Variants in ITM2B observed in about 807,000 individuals in gnomAD.
The protein encoded by ITM2B is integral membrane protein 2B.
Under a neutral mutation model 27.8 loss-of-function variants are expected in ITM2B, and 11 were observed. The ratio of observed to expected loss-of-function variants is 0.40; its 90% confidence interval spans 0.25 to 0.66. The LOEUF (loss-of-function observed/expected upper bound fraction) is 0.66. ITM2B is among the 30% of genes least tolerant of loss of function. The pLI, the probability that ITM2B is intolerant of heterozygous loss-of-function variation, is 0.43. For synonymous variants in ITM2B, 114 were observed against 114.3 expected (o/e 1.00, Z 0.02); for missense variants, 296 against 328.9 (o/e 0.90, Z 0.77).
At chr13:48,244,347 G>A (rs1951714393) in intron 1 of ITM2B, among the ~76,000 whole-genome samples, 2 of 152,208 alleles carry the variant, frequency 1.3e-5, no homozygotes, top group Non-Finnish European at 2.9e-5. Context: ...GAGAGTGGTG[G>A]AGTAAGGGAG....
chr13:48,259,922 C>T (rs1951812048), intron 5 of ITM2B, among the ~76,000 whole-genome samples: 1 of 152,034 alleles, frequency 6.6e-6, no homozygotes, highest in Non-Finnish European at 1.5e-5. Context: ...CATAGGTATA[C>T]AGGTGCCATG....
At chr13:48,252,465 C>CA (rs1951760924) in intron 1 of ITM2B, among the ~76,000 whole-genome samples, 1 of 152,110 alleles carries the variant, frequency 6.6e-6, no homozygotes, top group Non-Finnish European at 1.5e-5. Context: ...GTGAACTGTG[C>CA]ATGTTAGGGA....
At chr13:48,242,826 A>G (rs1338772251) in intron 1 of ITM2B, among the ~76,000 whole-genome samples, 3 of 151,878 alleles carry the variant, frequency 2.0e-5, no homozygotes, top group African/African-American at 4.8e-5. Context: ...TCAGCTTTCA[A>G]CATTTTTATT....
At chr13:48,238,329 AT>A (rs1235728875) in intron 1 of ITM2B, among the ~76,000 whole-genome samples, 1 of 152,138 alleles carries the variant, frequency 6.6e-6, no homozygotes, top group Admixed American at 6.5e-5. Context: ...ATTTTAAATT[AT>A]TGTGCATTCT....
At position 48,265,808 on chromosome 13, in the gene ITM2B, A is replaced by C. The variant is rs1000971800; in HGVS notation, c.*4584A>C. 2.0e-5 allele frequency: 3 copies of C among 152,106 alleles called. No homozygotes were observed. The highest frequency in any genetic ancestry group is 7.2e-5 in the African/African-American group (3 of 41,412). The allele number at this position is 152,106 out of a possible 1,614,324, so 9.4% of individuals were successfully genotyped here. A position where few individuals can be genotyped will look rare whatever the true frequency, so the allele number is the denominator to read the frequency against. On this transcript the variant is annotated 3_prime_UTR_variant, in exon 6 of 6. Transcript: ENST00000647800. Reference sequence around the variant, plus strand: ...AATTTAGTTCAGGTGACCCTTCCTCAAGAGAAGATTTTCCTGAACCATTAG... The same window carrying C: ...AATTTAGTTCAGGTGACCCTTCCTCCAGAGAAGATTTTCCTGAACCATTAG...
chr13:48,250,347 C>T (rs890444483), intron 1 of ITM2B, among the ~76,000 whole-genome samples: 11 of 152,028 alleles, frequency 7.2e-5, no homozygotes, highest in East Asian at 3.9e-4. Flanking sequence ...TGGCCGGGTA[C>T]GGTGGCTCAA....
In ITM2B at chr13:48,270,296, G is replaced by GT. The variant is rs1383695164; in HGVS notation, c.*9073dup. 6.6e-6 allele frequency: 1 copy of GT among 152,108 alleles called. No individual in the cohort carries two copies. The highest frequency in any genetic ancestry group is 2.4e-5 in the African/African-American group (1 of 41,430). The allele number at this position is 152,108 out of a possible 1,614,324, so 9.4% of individuals were successfully genotyped here. A position where few individuals can be genotyped will look rare whatever the true frequency, so the allele number is the denominator to read the frequency against. On this transcript the variant is annotated 3_prime_UTR_variant, in exon 6 of 6. Transcript: ENST00000647800. Reference sequence around the variant, plus strand: ...TATAGTACTTATCACCATCTGACATGTATTTATGTTTGTATTTGTTTATTG... The same window carrying GT: ...TATAGTACTTATCACCATCTGACATGTTATTTATGTTTGTATTTGTTTATTG...
At chr13:48,253,982 G>C in intron 2 of ITM2B, 46 bp downstream of exon 2, 1 of 1,090,056 alleles carries the variant, frequency 9.2e-7, no homozygotes, top group Non-Finnish European at 1.3e-6. Context: ...TTTTTTTTTT[G>C]CCTCTCCCGA....
intron 1 of ITM2B, among the ~76,000 whole-genome samples, chr13:48,243,651 A>G (rs1264129969): frequency 2.0e-5 from 3 of 152,098 alleles, no homozygotes; most frequent in East Asian, 1.9e-4. Flanking sequence ...CTCCACCTCC[A>G]CAAAAAAATT....
At chr13:48,238,792 A>G (rs1354288121) in intron 1 of ITM2B, among the ~76,000 whole-genome samples, 1 of 152,106 alleles carries the variant, frequency 6.6e-6, no homozygotes, top group East Asian at 1.9e-4. Flanking sequence ...TTTTGTGTTT[A>G]TTTGAATGAT....
Position 48,233,402 on chromosome 13 carries a change from G to T in ITM2B, c.42G>T (p.Glu14Asp). Residue 14 changes from glutamate (E) to aspartate (D), a missense_variant, in exon 1 of 6, where the codon GAG (glutamate) becomes GAT (aspartate). Transcript: ENST00000647800. The stretch of plus-strand genomic sequence containing the variant: ...TCAACTCCGCTCTGGCCCAGAAGGA[G>T]GCCAAGAAGGACGAGCCCAAGAGCG... ...VTFNSALAQK[E>D]AKKDEPKSGE... 1 of 1,563,870 alleles carries T rather than the reference G, an allele frequency of 6.4e-7. No homozygotes were observed. Among genetic ancestry groups the T allele is most frequent in the Non-Finnish European group, 8.6e-7 (1 of 1,157,278 alleles).
chr13:48,252,436 T>C (rs991101063), intron 1 of ITM2B, among the ~76,000 whole-genome samples: 9 of 152,158 alleles, frequency 5.9e-5, no homozygotes, highest in Non-Finnish European at 2.9e-5. Flanking sequence ...TAGATTCTCT[T>C]AGGAGCGCAA....
chr13:48,257,485 G>A (rs185367816), intron 3 of ITM2B, among the ~76,000 whole-genome samples: 2 of 152,176 alleles, frequency 1.3e-5, no homozygotes, highest in African/African-American at 4.8e-5. Context: ...CAAACATTTC[G>A]TGCCTGATAA....
rs556308107 is a variant in ITM2B at position 48,260,270 on chromosome 13, C to G, written c.716-869C>G. 2.0e-5 allele frequency among the ~76,000 whole-genome samples: 3 copies of G among 152,204 alleles called. No individual in the cohort carries two copies. The East Asian group carries it at 5.8e-4, about 29-fold the overall frequency. On this transcript the variant is annotated intron_variant, in intron 5 of 5. Transcript: ENST00000647800. ...TCTTTGATGGACATTTGGGTTGGTT[C>G]CAAGTTTGCTATTGTGAGTAGTGCC...
At chr13:48,260,073 C>G (rs999435262) in intron 5 of ITM2B, among the ~76,000 whole-genome samples, 1 of 152,102 alleles carries the variant, frequency 6.6e-6, no homozygotes, top group African/African-American at 2.4e-5. Context: ...TGTTCACCTC[C>G]CACTTATGAG....
intron 1 of ITM2B, among the ~76,000 whole-genome samples, chr13:48,235,564 G>A (rs999770990): frequency 2.0e-5 from 3 of 152,196 alleles, no homozygotes; most frequent in Admixed American, 2.0e-4. Context: ...CGCTTAACGG[G>A]AAAAGGAAAA....
intron 1 of ITM2B, among the ~76,000 whole-genome samples, chr13:48,235,658 C>T (rs1299449890): frequency 6.6e-6 from 1 of 152,180 alleles, no homozygotes; most frequent in Non-Finnish European, 1.5e-5. Context: ...TCTCTGGCTC[C>T]TTGCGGGTGG....
intron 1 of ITM2B, among the ~76,000 whole-genome samples, chr13:48,253,211 C>A (rs977103842): frequency 1.8e-4 from 28 of 152,036 alleles, no homozygotes; most frequent in African/African-American, 6.5e-4. Flanking sequence ...TTATGTATTT[C>A]TATGTATATA....
rs531009038 is a variant in ITM2B, at chr13:48,265,063, A to G, written c.*3839A>G. ...CAAAATTGAGACCTAAGTGGTATAA[A>G]ACAAGATAATCCTAGCTTCCTCCCA... On this transcript the variant is annotated 3_prime_UTR_variant, in exon 6 of 6. Transcript: ENST00000647800. 1 of 152,282 alleles carries G rather than the reference A, an allele frequency of 6.6e-6. No homozygotes were observed. Among genetic ancestry groups the G allele is most frequent in the African/African-American group, 2.4e-5 (1 of 41,558 alleles). The allele number at this position is 152,282 out of a possible 1,614,324, so 9.4% of individuals were successfully genotyped here.
Sources: gnomAD v4.1 joint callset for allele counts (sites outside exome capture counted in the v4.1 genomes callset) on GRCh38, gnomAD v4.1.1 for gene constraint, MANE v1.5 for transcripts, NCBI Gene and HGNC (gene_info 2026-07-23, HGNC 2026-07-21) for gene names.